The following AIG1 variants were observed in gnomAD, a reference collection of about 807,000 sequenced individuals.
AIG1 encodes the protein androgen-induced gene 1 protein.
In AIG1, 23 loss-of-function variants were observed where a neutral mutation model predicts 31.4. That is an observed-to-expected ratio of 0.73 (90% CI 0.53 to 1.04). The LOEUF (loss-of-function observed/expected upper bound fraction) is 1.04. Ranked by LOEUF, AIG1 falls within the 50% of genes least tolerant of loss-of-function variation. The pLI, the probability that AIG1 is intolerant of heterozygous loss-of-function variation, is 0.00. For missense variants in AIG1, 274 were observed against 295.0 expected, an observed-to-expected ratio of 0.93 and a Z score of 0.52; for synonymous variants, 100 against 110.5, an observed-to-expected ratio of 0.90 and a Z score of 0.60.
intron 3 of AIG1, among the ~76,000 whole-genome samples, chr6:143,259,688 C>G (rs548913665): frequency 6.6e-6 from 1 of 152,128 alleles, no homozygotes; most frequent in Non-Finnish European, 1.5e-5. Flanking sequence ...TGGGAACGTA[C>G]CCCCAAACTT....
At chr6:143,294,031 A>G (rs888683350) in intron 4 of AIG1, among the ~76,000 whole-genome samples, 3 of 152,064 alleles carry the variant, frequency 2.0e-5, no homozygotes, top group African/African-American at 7.2e-5. Flanking sequence ...TCCCCCTACA[A>G]ACATCATTTC....
chr6:143,210,277 C>A (rs1333826870), intron 3 of AIG1, among the ~76,000 whole-genome samples: 1 of 152,188 alleles, frequency 6.6e-6, no homozygotes, highest in East Asian at 1.9e-4. Flanking sequence ...AAACCTTTTT[C>A]CTTTATAAGT....
intron 3 of AIG1, among the ~76,000 whole-genome samples, chr6:143,199,710 C>A (rs1375291255): frequency 6.6e-6 from 1 of 152,158 alleles, no homozygotes; most frequent in East Asian, 1.9e-4. Flanking sequence ...TGAGTGGCCG[C>A]TTCATCCAGT....
chr6:143,121,215 G>T (rs145453423), intron 1 of AIG1, among the ~76,000 whole-genome samples: 160 of 152,300 alleles, frequency 1.1e-3, no homozygotes, highest in African/African-American at 3.6e-3. Context: ...TTCTGTGTGT[G>T]TGTCTTTAAT....
At chr6:143,206,772 G>A (rs1258809271) in intron 3 of AIG1, among the ~76,000 whole-genome samples, 1 of 152,036 alleles carries the variant, frequency 6.6e-6, no homozygotes, top group Non-Finnish European at 1.5e-5. Context: ...ATAATTTACG[G>A]CAATAATTAT....
chr6:143,069,592 T>C (rs1384747505), intron 1 of AIG1, among the ~76,000 whole-genome samples: 3 of 152,336 alleles, frequency 2.0e-5, no homozygotes, highest in Admixed American at 2.0e-4. Flanking sequence ...TAATTATCTT[T>C]TCCTGTGCCT....
chr6:143,151,420 C>A (rs999444138), intron 2 of AIG1, among the ~76,000 whole-genome samples: 4 of 152,146 alleles, frequency 2.6e-5, no homozygotes, highest in Non-Finnish European at 4.4e-5. Context: ...TCCAAAAGTT[C>A]TTTTCCCATT....
intron 3 of AIG1, among the ~76,000 whole-genome samples, chr6:143,165,553 G>A (rs576954897): frequency 2.6e-5 from 4 of 152,200 alleles, no homozygotes; most frequent in South Asian, 2.1e-4. Flanking sequence ...CCAGCCCTCC[G>A]CTCCACCTGC....
intron 3 of AIG1, among the ~76,000 whole-genome samples, chr6:143,203,443 T>G (rs1426479524): frequency 6.6e-6 from 1 of 152,210 alleles, no homozygotes; most frequent in Non-Finnish European, 1.5e-5. Context: ...CCTTTTGACT[T>G]TCCACATTAA....
chr6:143,082,386 C>A (rs551532927), intron 1 of AIG1, among the ~76,000 whole-genome samples: 1 of 152,178 alleles, frequency 6.6e-6, no homozygotes, highest in Non-Finnish European at 1.5e-5. Context: ...TAGGTTTGAG[C>A]AATTACTTGT....
In AIG1 at chr6:143,091,540, G is replaced by A. The variant is rs144210586; in HGVS notation, c.141+30474G>A. 2.8e-3 allele frequency among the ~76,000 whole-genome samples: 428 copies of A among 152,190 alleles called. 9 individuals are homozygous for A. In the East Asian group the frequency reaches 0.05, roughly 18 times the overall value. On this transcript the variant is annotated intron_variant, in intron 1 of 5. Transcript: ENST00000357847. ...AAAAATCACAATCCTTGCTGACAAC[G>A]AAGAGAAAAAAAGCTGTGTCTCTAT...
chr6:143,314,643 C>T (rs778241742), intron 4 of AIG1, among the ~76,000 whole-genome samples: 26 of 152,100 alleles, frequency 1.7e-4, no homozygotes, highest in Non-Finnish European at 3.1e-4. Flanking sequence ...AACTATAAAA[C>T]TCTCACAAAA....
At chr6:143,136,031 A>G (rs867800011) in intron 1 of AIG1, among the ~76,000 whole-genome samples, 3 of 152,156 alleles carry the variant, frequency 2.0e-5, no homozygotes, top group South Asian at 2.1e-4. Flanking sequence ...CTCCTTTGCA[A>G]TAGTCCAAGT....
chr6:143,180,797 C>G (rs1788650166), intron 3 of AIG1, among the ~76,000 whole-genome samples: 1 of 152,132 alleles, frequency 6.6e-6, no homozygotes, highest in Non-Finnish European at 1.5e-5. Context: ...ATAATAAACC[C>G]CACCCCTCTT....
intron 4 of AIG1, among the ~76,000 whole-genome samples, chr6:143,304,086 A>G (rs1799053911): frequency 6.7e-6 from 1 of 150,344 alleles, no homozygotes; most frequent in African/African-American, 2.4e-5. Flanking sequence ...GTATCCTGAG[A>G]CTTTGCTGAA....
In AIG1 at chr6:143,325,655, T is replaced by C. The variant is rs550857698; in HGVS notation, c.516-7627T>C. 1.9e-4 allele frequency among the ~76,000 whole-genome samples: 29 copies of C among 152,354 alleles called. 1 individual carries two copies. The highest frequency in any genetic ancestry group is 1.1e-3 in the Admixed American group (17 of 15,308). On this transcript the variant is annotated intron_variant, in intron 4 of 5. Coordinates refer to ENST00000357847, the MANE Select transcript of AIG1 (RefSeq NM_016108.4). This position sits in a 1 kb window ranked among gnomAD's most constrained non-coding sequence, Gnocchi z 4.3. ...ATTGCCTAAATCTAATCAATCACCA[T>C]GTTGTCTTAACTATATTTGTTAAAT... is the stretch of plus-strand genomic sequence containing the variant.
At chr6:143,078,672 C>G (rs565455729) in intron 1 of AIG1, among the ~76,000 whole-genome samples, 3 of 152,280 alleles carry the variant, frequency 2.0e-5, no homozygotes, top group East Asian at 1.9e-4. Context: ...CATCAGACCT[C>G]ATGACACTTA....
rs1409277529 is a variant in AIG1, at chr6:143,279,576, T to C, written c.400-4534T>C. ...GCCCCACCTCAGGTGTGAGGACTGCTCTGTGTGGAGGTGACACCCCCTTGT... is the reference window on the plus strand; with the variant it reads ...GCCCCACCTCAGGTGTGAGGACTGCCCTGTGTGGAGGTGACACCCCCTTGT... On this transcript the variant is annotated intron_variant, in intron 3 of 5. Transcript: ENST00000357847. This position sits in a 1 kb window ranked among gnomAD's most constrained non-coding sequence, Gnocchi z 5.4. Among the ~76,000 whole-genome samples, 2 of 152,198 alleles carry C rather than the reference T, an allele frequency of 1.3e-5. No homozygotes were observed. The highest frequency in any genetic ancestry group is 4.8e-5 in the African/African-American group (2 of 41,442).
At chr6:143,247,949 A>C (rs1794728977) in intron 3 of AIG1, among the ~76,000 whole-genome samples, 1 of 152,128 alleles carries the variant, frequency 6.6e-6, no homozygotes, top group Non-Finnish European at 1.5e-5. Flanking sequence ...TGAGAGCCTC[A>C]CTGAACACCG....
Sources: gnomAD v4.1 joint callset for allele counts (sites outside exome capture counted in the v4.1 genomes callset) on GRCh38, gnomAD v4.1.1 for gene constraint, Gnocchi (gnomAD v3.1) non-coding constraint, MANE v1.5 for transcripts, NCBI Gene and HGNC (gene_info 2026-07-23, HGNC 2026-07-21) for gene names.